Variants in CD200 observed in about 807,000 individuals in gnomAD.
The protein encoded by CD200 is CD200 molecule.
In CD200, 15 loss-of-function variants were observed where a neutral mutation model predicts 30.9. The observed-to-expected ratio is 0.49, with a 90% CI of 0.32 to 0.75. The LOEUF is 0.75. Among genes scored for constraint, CD200 ranks in the 30% least tolerant of loss-of-function variants. The pLI is 0.03. For missense variants in CD200, 262 were observed against 324.2 expected, an observed-to-expected ratio of 0.81 and a Z score of 1.47; for synonymous variants, 134 against 126.2, an observed-to-expected ratio of 1.06 and a Z score of -0.41.
In CD200 at chr3:112,345,049, T is replaced by C; in HGVS notation, c.182T>C (p.Ile61Thr). Residue 61 changes from isoleucine to threonine, a missense_variant, in exon 3 of 6, where the codon ATT becomes ACT. Physicochemically the swap from Ile to Thr is moderately conservative, Grantham distance 89 (BLOSUM62 -1). Coordinates refer to ENST00000315711, the MANE Select transcript of CD200 (RefSeq NM_005944.7). ...CTGCAAAATGCCCAGGAAGCCCTCA[T>C]TGTGACATGGCAGAAAAAGAAAGCT... ...CSLQNAQEAL[I>T]VTWQKKKAVS... is the part of the protein sequence containing the mutation. The C allele has an allele frequency of 1.2e-6, 2 of 1,614,090 alleles. No individual in the cohort carries two copies. The highest frequency in any genetic ancestry group is 4.5e-5 in the East Asian group (2 of 44,882).
In CD200 at chr3:112,362,056, G is replaced by A. The variant is rs567615175; in HGVS notation, c.*506G>A. ...CAGAGAGCTTACCTTTTGCCTTTCT[G>A]TTGATGTTACATCTCTTCTTCCTAT... On this transcript the variant is annotated 3_prime_UTR_variant, in exon 6 of 6. Transcript: ENST00000315711. The A allele has an allele frequency of 2.3e-4, 35 of 154,926 alleles. No individual in the cohort carries two copies. The highest frequency in any genetic ancestry group is 3.4e-4 in the Non-Finnish European group (24 of 69,906). 9.6% of individuals were successfully genotyped at this position (154,926 alleles called of 1,614,324 possible).
At chr3:112,359,607 A>G (rs2081697954) in intron 5 of CD200, among the ~76,000 whole-genome samples, 1 of 152,206 alleles carries the variant, frequency 6.6e-6, no homozygotes, top group Non-Finnish European at 1.5e-5. Flanking sequence ...GATAAAACCA[A>G]ATTCACAGAA....
chr3:112,345,409 G>C (rs1016661839), intron 3 of CD200, 121 bp downstream of exon 3: 11 of 740,784 alleles, frequency 1.5e-5, no homozygotes, highest in Non-Finnish European at 2.5e-5. Flanking sequence ...TGAGAAGATA[G>C]CCTTTCTTGT....
intron 1 of CD200, among the ~76,000 whole-genome samples, chr3:112,338,603 C>G (rs2108427147): frequency 6.6e-6 from 1 of 152,266 alleles, no homozygotes; most frequent in East Asian, 1.9e-4. Context: ...TTATTACTAG[C>G]AGAGCTTCTA....
intron 4 of CD200, 30 bp downstream of exon 4, chr3:112,347,860 T>C: frequency 2.5e-6 from 4 of 1,600,976 alleles, no homozygotes; most frequent in Non-Finnish European, 3.4e-6. Context: ...GTGGCTGTGG[T>C]TGTGTCTGTG....
Position 112,340,971 on chromosome 3 carries a change from T to G in CD200, c.82T>G (p.Cys28Gly). 6.2e-7 allele frequency: 1 copy of G among 1,609,530 alleles called. No homozygotes were observed. The highest frequency in any genetic ancestry group is 8.5e-7 in the Non-Finnish European group (1 of 1,175,900). ...LVWVMAAVVL[C>G]TAQVQVVTQD... ...TTGGGTCATGGCAGCAGTGGTGCTGTGCACAGCACAAGGTAAAGAAACTCA... is the reference window on the plus strand; with the variant it reads ...TTGGGTCATGGCAGCAGTGGTGCTGGGCACAGCACAAGGTAAAGAAACTCA... The change falls in exon 2 of 6, where the codon TGC becomes GGC. Residue 28 changes from cysteine to glycine, a missense_variant. Cys to Gly is a radical substitution (Grantham distance 159). Transcript: ENST00000315711.
At chr3:112,334,948 C>A (rs1358606163) in intron 1 of CD200, among the ~76,000 whole-genome samples, 1 of 152,166 alleles carries the variant, frequency 6.6e-6, no homozygotes, top group Non-Finnish European at 1.5e-5. Flanking sequence ...ATTCTGCATT[C>A]TTCATCATGG....
intron 2 of CD200, among the ~76,000 whole-genome samples, chr3:112,344,388 C>T (rs1018451509): frequency 6.6e-6 from 1 of 152,126 alleles, no homozygotes; most frequent in African/African-American, 2.4e-5. Flanking sequence ...TATTTGTGTG[C>T]CAAAGCTTCA....
chr3:112,333,834 T>G, intron 1 of CD200: 1 of 985,422 alleles, frequency 1.0e-6, no homozygotes, highest in Non-Finnish European at 1.2e-6. Flanking sequence ...GTGATCATAA[T>G]GCTTTGAAGG....
At position 112,345,150 on chromosome 3, in the gene CD200, A is replaced by G; in HGVS notation, c.283A>G (p.Asn95Asp). 1 of 1,614,102 alleles carries G rather than the reference A, an allele frequency of 6.2e-7. No individual in the cohort carries two copies. The highest frequency in any genetic ancestry group is 8.5e-7 in the Non-Finnish European group (1 of 1,179,974). ...CCAGCCTGCCTATAAGGACAAGATA[A>G]ACATTACCCAGCTGGGACTCCAAAA... ...VIQPAYKDKI[N>D]ITQLGLQNST... is the part of the protein sequence containing the mutation. Residue 95 changes from asparagine to aspartate, a missense_variant, in exon 3 of 6, where the codon AAC (asparagine) becomes GAC (aspartate). Transcript: ENST00000315711.
chr3:112,356,981 G>T (rs1177483241), intron 5 of CD200, among the ~76,000 whole-genome samples: 2 of 152,202 alleles, frequency 1.3e-5, no homozygotes, highest in Non-Finnish European at 2.9e-5. Flanking sequence ...GTGCCTAATG[G>T]CCGGGCGCGG....
intron 1 of CD200, among the ~76,000 whole-genome samples, chr3:112,338,777 T>C (rs1383572226): frequency 6.6e-6 from 1 of 152,208 alleles, no homozygotes; most frequent in African/African-American, 2.4e-5. Flanking sequence ...GATTTGGTCA[T>C]AGGCAATAAC....
chr3:112,335,985 C>T, intron 1 of CD200: 1 of 1,612,696 alleles, frequency 6.2e-7, no homozygotes, highest in Non-Finnish European at 8.5e-7. Flanking sequence ...TACAGCTACA[C>T]TCCTAGGAAA....
chr3:112,346,955 T>C (rs2081410186), intron 3 of CD200, among the ~76,000 whole-genome samples: 1 of 152,220 alleles, frequency 6.6e-6, no homozygotes, highest in Non-Finnish European at 1.5e-5. Context: ...ATTTTTATGG[T>C]TATTAGCTAC....
chr3:112,360,122 G>A (rs2081708661), intron 5 of CD200, among the ~76,000 whole-genome samples: 2 of 152,192 alleles, frequency 1.3e-5, no homozygotes, highest in Admixed American at 1.3e-4. Flanking sequence ...GAGGTCAGGA[G>A]TTCAAGACCA....
At chr3:112,332,895 A>G (rs2108410417), upstream of CD200, 2 of 404,208 alleles carry the variant, frequency 4.9e-6, no homozygotes, top group South Asian at 5.0e-5. Flanking sequence ...TTCTCAGTCC[A>G]GGTAGCAGGA....
intron 5 of CD200, among the ~76,000 whole-genome samples, chr3:112,357,036 C>T (rs2081635906): frequency 6.6e-6 from 1 of 151,972 alleles, no homozygotes; most frequent in African/African-American, 2.4e-5. Context: ...CCGAGGCGGG[C>T]GGATCACGAG....
At chr3:112,359,752 C>T (rs1447911192) in intron 5 of CD200, among the ~76,000 whole-genome samples, 1 of 152,022 alleles carries the variant, frequency 6.6e-6, no homozygotes, top group Non-Finnish European at 1.5e-5. Flanking sequence ...GTTAGGGGGA[C>T]AGCAGAGAAA....
At chr3:112,347,972 A>C in intron 4 of CD200, 142 bp downstream of exon 4, 1 of 747,498 alleles carries the variant, frequency 1.3e-6, no homozygotes, top group Non-Finnish European at 2.1e-6. Flanking sequence ...AAACAAAACA[A>C]AACAAAAAAA....
Sources: gnomAD v4.1 joint callset for allele counts (sites outside exome capture counted in the v4.1 genomes callset) on GRCh38, gnomAD v4.1.1 for gene constraint, MANE v1.5 for transcripts, NCBI Gene and HGNC (gene_info 2026-07-23, HGNC 2026-07-21) for gene names.